GRM7: variants seen among roughly 807,000 people sequenced by gnomAD.
The protein encoded by GRM7 is metabotropic glutamate receptor 7.
GRM7 carries 35 observed loss-of-function variants against 84.5 expected under a neutral mutation model. The observed-to-expected ratio is 0.41, with a 90% CI of 0.32 to 0.55. The LOEUF is 0.55. Ranked by LOEUF, GRM7 falls within the 20% of genes least tolerant of loss-of-function variation. The pLI, the probability that GRM7 is intolerant of heterozygous loss-of-function variation, is 0.19. For synonymous variants in GRM7, 487 were observed against 455.1 expected (o/e 1.07, Z -0.89); for missense variants, 1,003 against 1,194.6 (o/e 0.84, Z 2.36).
chr3:7,535,999 T>G (rs1701227774), intron 7 of GRM7, among the ~76,000 whole-genome samples: 1 of 152,128 alleles, frequency 6.6e-6, no homozygotes, highest in Admixed American at 6.5e-5. Flanking sequence ...CTCAAGATGT[T>G]TCAGGAGAGA....
At chr3:7,646,071 A>G (rs896883422) in intron 8 of GRM7, among the ~76,000 whole-genome samples, 4 of 152,202 alleles carry the variant, frequency 2.6e-5, no homozygotes, top group East Asian at 3.9e-4. Flanking sequence ...GCAGCTCACG[A>G]TCTAATGCAA....
intron 7 of GRM7, among the ~76,000 whole-genome samples, chr3:7,546,646 C>T (rs1693165757): frequency 6.6e-6 from 1 of 152,070 alleles, no homozygotes; most frequent in African/African-American, 2.4e-5. Flanking sequence ...TAAATTAACA[C>T]TGACTTTGAA....
intron 1 of GRM7, among the ~76,000 whole-genome samples, chr3:6,997,663 A>G (rs989422572): frequency 1.3e-5 from 2 of 152,150 alleles, no homozygotes; most frequent in African/African-American, 2.4e-5. Flanking sequence ...ACCAAACCAT[A>G]TAATTCTGCT....
chr3:6,937,854 A>C (rs1266695234), intron 1 of GRM7, among the ~76,000 whole-genome samples: 1 of 152,212 alleles, frequency 6.6e-6, no homozygotes, highest in Non-Finnish European at 1.5e-5. Context: ...CATTATCATC[A>C]ATAACACACT....
chr3:7,209,454 G>T lies in GRM7; in HGVS notation c.736+62786G>T, dbSNP rs537653216. Among the ~76,000 whole-genome samples the T allele has an allele frequency of 5.3e-4, 81 of 152,304 alleles. 1 individual carries two copies. In the South Asian group the frequency reaches 0.016, roughly 29 times the overall value. On this transcript the variant is annotated intron_variant, in intron 2 of 9. Transcript: ENST00000357716. ...TAAGAGAAGGAGACCCACAGAGAGA[G>T]AAAATTGAGAAGTTAAACATCCAGA...
intron 1 of GRM7, among the ~76,000 whole-genome samples, chr3:6,981,540 T>G (rs938992527): frequency 6.6e-6 from 1 of 152,176 alleles, no homozygotes; most frequent in Non-Finnish European, 1.5e-5. Flanking sequence ...TGCAGGAGAA[T>G]TACTGAGTGT....
At chr3:7,516,426 G>A (rs1481743146) in intron 7 of GRM7, among the ~76,000 whole-genome samples, 1 of 125,996 alleles carries the variant, frequency 7.9e-6, no homozygotes, top group Non-Finnish European at 1.6e-5. Context: ...GCAGTGAGCC[G>A]ATATCGTGCC....
intron 1 of GRM7, among the ~76,000 whole-genome samples, chr3:6,919,730 T>C (rs1242679086): frequency 1.3e-5 from 2 of 152,138 alleles, no homozygotes; most frequent in Non-Finnish European, 2.9e-5. Flanking sequence ...TTTAGGGTTT[T>C]AATATGGATA....
intron 2 of GRM7, among the ~76,000 whole-genome samples, chr3:7,177,680 C>T (rs547886732): frequency 6.6e-6 from 1 of 151,844 alleles, no homozygotes; most frequent in Admixed American, 6.6e-5. Flanking sequence ...GAGGAAGGAC[C>T]TAATTTTTAT....
intron 1 of GRM7, among the ~76,000 whole-genome samples, chr3:6,979,536 T>TA (rs34432411): frequency 5.3e-5 from 8 of 152,086 alleles, no homozygotes; most frequent in African/African-American, 1.9e-4. Flanking sequence ...TATTAACAGC[T>TA]AAAAAAGTCA....
chr3:7,215,930 C>A (rs1026771246), intron 2 of GRM7, among the ~76,000 whole-genome samples: 6 of 152,122 alleles, frequency 3.9e-5, no homozygotes, highest in Non-Finnish European at 5.9e-5. Context: ...CCCATCCAGT[C>A]GTCTCTCTTT....
chr3:7,673,336 G>T (rs140397550), intron 8 of GRM7, among the ~76,000 whole-genome samples: 1 of 152,224 alleles, frequency 6.6e-6, no homozygotes, highest in African/African-American at 2.4e-5. Flanking sequence ...TGATTCACCA[G>T]AATTTCATAA....
At position 7,724,940 on chromosome 3, in the gene GRM7, ATTATTTTTTTT is replaced by A. The variant is rs1347830623; in HGVS notation, c.2699-15407_2699-15397del. Among the ~76,000 whole-genome samples, 4 of 87,612 alleles carry A rather than the reference ATTATTTTTTTT, an allele frequency of 4.6e-5. No homozygotes were observed. In the Admixed American group the frequency reaches 5.6e-4, roughly 12 times the overall value. The allele number at this position is 87,612 out of a possible 152,430, so 57.5% of individuals were successfully genotyped here. On this transcript the variant is annotated intron_variant, in intron 9 of 9. Transcript: ENST00000357716. ...CACCAGGCCCAGCTGTTGTTTTATT[ATTATTTTTTTT>A]TTATTTTTTACAGAGATGGGGTCTT...
intron 4 of GRM7, among the ~76,000 whole-genome samples, chr3:7,399,389 A>T (rs1024445528): frequency 1.3e-5 from 2 of 152,124 alleles, no homozygotes; most frequent in African/African-American, 4.8e-5. Context: ...TGCTGCTATA[A>T]TTGAGGGCCT....
At chr3:7,480,575 G>T (rs1699089874) in intron 7 of GRM7, among the ~76,000 whole-genome samples, 1 of 152,138 alleles carries the variant, frequency 6.6e-6, no homozygotes, top group Non-Finnish European at 1.5e-5. Context: ...GAGCAAAATG[G>T]TATACAATAT....
At chr3:6,891,223 T>C (rs1695927602) in intron 1 of GRM7, among the ~76,000 whole-genome samples, 1 of 152,126 alleles carries the variant, frequency 6.6e-6, no homozygotes, top group Admixed American at 6.6e-5. Flanking sequence ...GAGCATTTAG[T>C]CCATTTACAT....
At chr3:7,480,897 TA>T (rs1699103208) in intron 7 of GRM7, among the ~76,000 whole-genome samples, 2 of 152,114 alleles carry the variant, frequency 1.3e-5, no homozygotes, top group Non-Finnish European at 2.9e-5. Flanking sequence ...AATCTTGAAA[TA>T]AGTGCTTACC....
intron 1 of GRM7, among the ~76,000 whole-genome samples, chr3:6,891,373 G>C (rs908725201): frequency 6.6e-6 from 1 of 152,212 alleles, no homozygotes; most frequent in Non-Finnish European, 1.5e-5. Context: ...GCTGGTACCG[G>C]TTGTTGCTTT....
chr3:7,653,192 T>C (rs1385030505), intron 8 of GRM7, among the ~76,000 whole-genome samples: 1 of 148,034 alleles, frequency 6.8e-6, no homozygotes, highest in Non-Finnish European at 1.5e-5. Context: ...TTTTTTTTTT[T>C]TTTTTTTTTT....
Sources: allele counts gnomAD v4.1 joint callset (sites outside exome capture counted in the v4.1 genomes callset), GRCh38; gene constraint gnomAD v4.1.1; transcripts MANE v1.5; gene names NCBI Gene and HGNC (gene_info 2026-07-23, HGNC 2026-07-21).